Variants in LRP2 observed in about 807,000 individuals in gnomAD.
LRP2 encodes low-density lipoprotein receptor-related protein 2.
A neutral mutation model predicts 531.0 loss-of-function variants in LRP2; 172 were observed. The observed-to-expected ratio is 0.32, with a 90% CI of 0.29 to 0.37. The LOEUF is 0.37. Ranked by LOEUF, LRP2 falls within the 10% of genes least tolerant of loss-of-function variation. The pLI, the probability that LRP2 is intolerant of heterozygous loss-of-function variation, is 1.00. For synonymous variants in LRP2, 1,992 were observed against 2,027.6 expected, an observed-to-expected ratio of 0.98 and a Z score of 0.47; for missense variants, 5,167 against 5,868.3, an observed-to-expected ratio of 0.88 and a Z score of 3.90.
chr2:169,172,148 A>G lies in LRP2; in HGVS notation c.11144-14T>C, dbSNP rs763484952. On this transcript the variant is annotated splice_polypyrimidine_tract_variant and intron_variant, in intron 57 of 78. Coordinates refer to ENST00000649046, the MANE Select transcript of LRP2 (RefSeq NM_004525.3). The stretch of plus-strand genomic sequence containing the variant: ...ATGTCCTCTCCTCTGCAAAGCAGTC[A>G]TTGCAAAGACTTCATAAACCATTGG... 10 of 1,614,074 alleles carry G rather than the reference A, an allele frequency of 6.2e-6. No homozygotes were observed. Among genetic ancestry groups the G allele is most frequent in the Middle Eastern group, 1.7e-4 (1 of 6,060 alleles).
chr2:169,132,589 AGCT>A lies in LRP2; in HGVS notation c.13710_13712del (p.Ala4572del), dbSNP rs1161890384. 1 of 1,602,830 alleles carries A rather than the reference AGCT, an allele frequency of 6.2e-7. No homozygotes were observed. Among genetic ancestry groups the A allele is most frequent in the Non-Finnish European group, 8.5e-7 (1 of 1,169,706 alleles). ...CAACTGTTACCTGAGTTCCATCAGC[AGCT>A]GGTGAAGTTGGGTTTGTCTCTGGAA... On this transcript the variant is annotated inframe_deletion, in exon 77 of 79. Transcript: ENST00000649046.
Position 169,243,394 on chromosome 2 carries a change from T to C in LRP2, c.3550+9A>G. Reference sequence around the variant, plus strand: ...ACATTGTGAATAAAAAAGAAGGCAATGCACTTACCACAACCAACCTCATCA... The same window carrying C: ...ACATTGTGAATAAAAAAGAAGGCAACGCACTTACCACAACCAACCTCATCA... On this transcript the variant is annotated intron_variant, in intron 23 of 78. Transcript: ENST00000649046. 1 of 1,613,940 alleles carries C rather than the reference T, an allele frequency of 6.2e-7. No individual in the cohort carries two copies. The highest frequency in any genetic ancestry group is 8.5e-7 in the Non-Finnish European group (1 of 1,179,902).
intron 61 of LRP2, among the ~76,000 whole-genome samples, chr2:169,167,428 G>A (rs1297223155): frequency 6.6e-6 from 1 of 152,150 alleles, no homozygotes; most frequent in South Asian, 2.1e-4. Flanking sequence ...GCTTCTCCAG[G>A]TCTTGTCTCC....
At position 169,185,806 on chromosome 2, in the gene LRP2, C is replaced by A. The variant is rs1234452833; in HGVS notation, c.9542G>T (p.Gly3181Val). Residue 3181 changes from glycine to valine, a missense_variant, in exon 50 of 79, where the codon GGC becomes GTC. Coordinates refer to ENST00000649046, the MANE Select transcript of LRP2 (RefSeq NM_004525.3). Reference sequence around the variant, plus strand: ...CTTTCCATCTGGTTCTCGGAGGTAGCCTGGGGCACACTTACAGATGTAGGA... The same window carrying A: ...CTTTCCATCTGGTTCTCGGAGGTAGACTGGGGCACACTTACAGATGTAGGA... ...IGSYICKCAPGYLREPDGKTC... is the reference protein window; with the variant it reads ...IGSYICKCAPVYLREPDGKTC... 6.2e-7 allele frequency: 1 copy of A among 1,613,802 alleles called. No individual in the cohort carries two copies. The highest frequency in any genetic ancestry group is 1.7e-5 in the Admixed American group (1 of 59,976).
chr2:169,146,585 A>G (rs1685921537), intron 69 of LRP2, among the ~76,000 whole-genome samples, 154 bp downstream of exon 69: 1 of 152,208 alleles, frequency 6.6e-6, no homozygotes, highest in African/African-American at 2.4e-5. Flanking sequence ...CATTTAATTC[A>G]GCAGGTGGGA....
chr2:169,200,781 A>G (rs1441040183), intron 44 of LRP2, among the ~76,000 whole-genome samples: 1 of 152,220 alleles, frequency 6.6e-6, no homozygotes, highest in African/African-American at 2.4e-5. Flanking sequence ...CAGGAACACT[A>G]GAATTCTAAA....
chr2:169,255,068 C>T (rs369246809), intron 19 of LRP2, among the ~76,000 whole-genome samples: 1 of 152,074 alleles, frequency 6.6e-6, no homozygotes, highest in African/African-American at 2.4e-5. Flanking sequence ...GTGAGAAAGT[C>T]TTTGATTTAT....
At chr2:169,286,964 C>G (rs1249154592) in intron 9 of LRP2, among the ~76,000 whole-genome samples, 3 of 152,164 alleles carry the variant, frequency 2.0e-5, no homozygotes, top group Admixed American at 1.3e-4. Flanking sequence ...GGATTGGCAG[C>G]TGGGTAGCAG....
chr2:169,134,815 A>G (rs1424988030), intron 76 of LRP2, among the ~76,000 whole-genome samples: 1 of 152,114 alleles, frequency 6.6e-6, no homozygotes, highest in Non-Finnish European at 1.5e-5. Flanking sequence ...ACGCTTCTCA[A>G]AGCCGCTTTA....
At chr2:169,341,746 T>C (rs926869264) in intron 1 of LRP2, among the ~76,000 whole-genome samples, 2 of 152,154 alleles carry the variant, frequency 1.3e-5, no homozygotes, top group African/African-American at 4.8e-5. Flanking sequence ...CTCAGTTCAC[T>C]CATTAGTAAA....
rs567976498 is a variant in LRP2, at chr2:169,311,416, T to C, written c.311-4019A>G. 5.9e-5 allele frequency among the ~76,000 whole-genome samples: 9 copies of C among 152,334 alleles called. No individual in the cohort carries two copies. In the South Asian group the frequency reaches 1.9e-3, roughly 32 times the overall value. On this transcript the variant is annotated intron_variant, in intron 3 of 78. Transcript: ENST00000649046. ...TATGTTGTGTCTTTGTTCTCATTGG[T>C]TTCAAAGAACATCTTTATTTCTGCC...
In LRP2 at chr2:169,226,466, C is replaced by A; in HGVS notation, c.5350G>T (p.Glu1784Ter). 1 of 1,613,756 alleles carries A rather than the reference C, an allele frequency of 6.2e-7. No homozygotes were observed. Among genetic ancestry groups the A allele is most frequent in the Non-Finnish European group, 8.5e-7 (1 of 1,179,780 alleles). Residue 1784 changes from glutamate (E) to a stop codon, truncating the protein, a stop_gained, in exon 32 of 79, where the codon GAA becomes TAA. Transcript: ENST00000649046. LOFTEE classifies it high-confidence loss of function. ...ATGTATTGCTCAGCATCATCAAATT[C>A]AACATCTAAACCATTCTGTATCCCT... ...IAGIQNGLDV[E>*]FDDAEQYIYW...
At chr2:169,319,031 G>A in intron 2 of LRP2, 147 bp from the exon 3 acceptor site, 1 of 976,544 alleles carries the variant, frequency 1.0e-6, no homozygotes, top group Non-Finnish European at 1.6e-6. Flanking sequence ...ACTAGAGTCT[G>A]TGGACGCCAG....
chr2:169,316,766 G>A (rs1235661430), intron 3 of LRP2, among the ~76,000 whole-genome samples: 1 of 152,114 alleles, frequency 6.6e-6, no homozygotes, highest in Non-Finnish European at 1.5e-5. Flanking sequence ...TCCTGAGAGT[G>A]TCCAGAATGA....
rs113535563 is a variant in LRP2, at chr2:169,206,785, G to T, written c.6935C>A (p.Pro2312Gln). The T allele has an allele frequency of 9.9e-6, 16 of 1,614,128 alleles. 1 individual carries two copies. The African/African-American group carries it at 1.6e-4, about 16-fold the overall frequency. Reference sequence around the variant, plus strand: ...GATATTGTCTCTTATCACTGTGGGTGGCTCTGTGTTCTCTGGTTCCTTGCT... The same window carrying T: ...GATATTGTCTCTTATCACTGTGGGTTGCTCTGTGTTCTCTGGTTCCTTGCT... ...QASKEPENTE[P>Q]PTVIRDNINW... Residue 2312 changes from proline (P) to glutamine (Q), a missense_variant, in exon 39 of 79, where the codon CCA becomes CAA. By Grantham distance (76) the Pro-to-Gln change is moderately conservative (BLOSUM62 -1). This residue lies in a region of LRP2 where 2,811 missense variants were observed against 3,058.0 expected (regional missense o/e 0.92). Coordinates refer to ENST00000649046, the MANE Select transcript of LRP2 (RefSeq NM_004525.3).
intron 37 of LRP2, among the ~76,000 whole-genome samples, chr2:169,210,301 T>C (rs1688549533): frequency 6.6e-6 from 1 of 151,762 alleles, no homozygotes; most frequent in Non-Finnish European, 1.5e-5. Context: ...TCCACCAAAA[T>C]TAAGAAGGAA....
Position 169,238,079 on chromosome 2 carries a change from A to C in LRP2, c.4506+12T>G, listed in dbSNP as rs767924209. 12 of 1,613,034 alleles carry C rather than the reference A, an allele frequency of 7.4e-6. 1 individual carries two copies. Among genetic ancestry groups the C allele is most frequent in the Non-Finnish European group, 8.5e-7 (1 of 1,179,020 alleles). On this transcript the variant is annotated intron_variant, in intron 27 of 78. Transcript: ENST00000649046. ...AACTAGCCAGGCCAAAGGTCAACAG[A>C]AATGTACTTACCACTCTTCTGTCCG... is the stretch of plus-strand genomic sequence containing the variant.
In LRP2 at chr2:169,231,324, A is replaced by AG. The variant is rs760730034; in HGVS notation, c.5227+389dup. On this transcript the variant is annotated intron_variant, in intron 31 of 78. Coordinates refer to ENST00000649046, the MANE Select transcript of LRP2 (RefSeq NM_004525.3). ...GAAAAAAAAAAGAAAGAAAGAAAAA[A>AG]GAAAAAAAAAAGAGGGAGAAAGAGA... 7.4e-3 allele frequency among the ~76,000 whole-genome samples: 1,115 copies of AG among 151,354 alleles called. 8 individuals carry two copies. The highest frequency in any genetic ancestry group is 0.013 in the Non-Finnish European group (862 of 67,926).
chr2:169,200,829 C>T (rs1574126090), intron 44 of LRP2, among the ~76,000 whole-genome samples: 1 of 152,020 alleles, frequency 6.6e-6, no homozygotes, highest in South Asian at 2.1e-4. Flanking sequence ...AATGGGTTTA[C>T]GGAACAACCA....
Sources: allele counts gnomAD v4.1 joint callset (sites outside exome capture counted in the v4.1 genomes callset), GRCh38; gene constraint gnomAD v4.1.1; regional missense constraint gnomAD v4.1.1; transcripts MANE v1.5; gene names NCBI Gene and HGNC (gene_info 2026-07-23, HGNC 2026-07-21).